NPAS2: variants seen among roughly 807,000 people sequenced by gnomAD.
NPAS2 encodes neuronal PAS domain protein 2.
In NPAS2, 23 loss-of-function variants were observed where a neutral mutation model predicts 107.5. The observed-to-expected ratio is 0.21, with a 90% CI of 0.15 to 0.30. The LOEUF is 0.30. Ranked by LOEUF, NPAS2 falls within the 10% of genes least tolerant of loss-of-function variation. The pLI is 1.00. For synonymous variants in NPAS2, 403 were observed against 417.5 expected (o/e 0.97, Z 0.42); for missense variants, 756 against 1,043.3 (o/e 0.72, Z 3.79).
chr2:100,948,339 C>T lies in NPAS2; in HGVS notation c.468C>T (p.Ser156=). 6.2e-7 allele frequency: 1 copy of T among 1,601,228 alleles called. No individual in the cohort carries two copies. The highest frequency in any genetic ancestry group is 8.5e-7 in the Non-Finnish European group (1 of 1,174,544). ...ATATGCTTGTGACGGATTCCCCCTC[C>T]CCAGAATACTTAAAATGTAAGTTTA... ...SSHMLVTDSP[S]PEYLKSDSDL... is the part of the protein sequence containing the mutation. Residue 156 remains serine, a synonymous_variant, in exon 6 of 21, where the codon TCC becomes TCT. Coordinates refer to ENST00000335681, the MANE Select transcript of NPAS2 (RefSeq NM_002518.4).
At chr2:100,870,459 G>A (rs1370514559) in intron 1 of NPAS2, among the ~76,000 whole-genome samples, 1 of 151,786 alleles carries the variant, frequency 6.6e-6, no homozygotes. Flanking sequence ...GCAGTGGCAC[G>A]ATCTTGGCTC....
At chr2:100,960,978 G>A (rs1226356560) in intron 7 of NPAS2, among the ~76,000 whole-genome samples, 1 of 152,178 alleles carries the variant, frequency 6.6e-6, no homozygotes, top group Non-Finnish European at 1.5e-5. Context: ...GGTCAATTTT[G>A]AGTAAGATGA....
chr2:100,895,904 G>A (rs1681384549), intron 1 of NPAS2, among the ~76,000 whole-genome samples: 1 of 152,192 alleles, frequency 6.6e-6, no homozygotes, highest in Non-Finnish European at 1.5e-5. Context: ...TGTGACCCCA[G>A]AGTCCATTTC....
chr2:100,882,435 C>T (rs868613241), intron 1 of NPAS2, among the ~76,000 whole-genome samples: 6 of 152,166 alleles, frequency 3.9e-5, no homozygotes, highest in African/African-American at 7.2e-5. Flanking sequence ...CAGTGAAACC[C>T]CATCTCTACT....
chr2:100,944,321 C>G (rs1473696082), intron 5 of NPAS2, among the ~76,000 whole-genome samples: 1 of 152,178 alleles, frequency 6.6e-6, no homozygotes, highest in East Asian at 1.9e-4. Flanking sequence ...GTCCATCCAG[C>G]CTACTTCCAG....
At chr2:100,921,995 G>T (rs1008346808) in intron 2 of NPAS2, among the ~76,000 whole-genome samples, 1 of 152,186 alleles carries the variant, frequency 6.6e-6, no homozygotes, top group Non-Finnish European at 1.5e-5. Context: ...GTTAATATGT[G>T]CAGCAACATG....
rs1210449039 is a variant in NPAS2, at chr2:100,965,109, C to T, written c.800+166C>T. On this transcript the variant is annotated intron_variant, in intron 9 of 20. Coordinates refer to ENST00000335681, the MANE Select transcript of NPAS2 (RefSeq NM_002518.4). This position sits in a 1 kb window ranked among gnomAD's most constrained non-coding sequence, Gnocchi z 4.3. Reference sequence around the variant, plus strand: ...CCAAGGGTGGGTGGTTTCCCTCCAACTTCATCTGCCCCATCGTGAATATGT... The same window carrying T: ...CCAAGGGTGGGTGGTTTCCCTCCAATTTCATCTGCCCCATCGTGAATATGT... Among the ~76,000 whole-genome samples the T allele has an allele frequency of 6.6e-6, 1 of 152,228 alleles. No homozygotes were observed. Among genetic ancestry groups the T allele is most frequent in the Non-Finnish European group, 1.5e-5 (1 of 68,038 alleles).
chr2:100,953,393 A>G (rs1455069515), intron 7 of NPAS2, among the ~76,000 whole-genome samples: 1 of 151,582 alleles, frequency 6.6e-6, no homozygotes, highest in Non-Finnish European at 1.5e-5. Context: ...AAAAAAAACA[A>G]AAAAAACACC....
chr2:100,893,958 C>T, intron 1 of NPAS2, among the ~76,000 whole-genome samples: 1 of 152,214 alleles, frequency 6.6e-6, no homozygotes, highest in South Asian at 2.1e-4. Context: ...ATGAGGCCCT[C>T]TCTGGAGACC....
chr2:100,936,969 GA>G lies in NPAS2; in HGVS notation c.274-783del, dbSNP rs1393967971. On this transcript the variant is annotated intron_variant, in intron 4 of 20. Coordinates refer to ENST00000335681, the MANE Select transcript of NPAS2 (RefSeq NM_002518.4). ...TGCACTCCAGCCTGGGTGACAGTGA[GA>G]CTCCATCTCAAAAAAAAAAAAAAAA... 4.4e-5 allele frequency among the ~76,000 whole-genome samples: 5 copies of G among 114,590 alleles called. No homozygotes were observed. In the Admixed American group the frequency reaches 6.1e-4, roughly 14 times the overall value. The allele number at this position is 114,590 out of a possible 152,430, so 75.2% of individuals were successfully genotyped here. A position where few individuals can be genotyped will look rare whatever the true frequency, so the allele number is the denominator to read the frequency against.
intron 15 of NPAS2, among the ~76,000 whole-genome samples, chr2:100,981,738 TGGAGAGAGCCA>T (rs1402310385): frequency 6.6e-6 from 1 of 152,064 alleles, no homozygotes; most frequent in Non-Finnish European, 1.5e-5. Context: ...CAGGCTGTTT[TGGAGAGAGCCA>T]GGATCAGATT....
intron 4 of NPAS2, among the ~76,000 whole-genome samples, chr2:100,933,818 G>T (rs554287716): frequency 6.6e-6 from 1 of 152,344 alleles, no homozygotes; most frequent in East Asian, 1.9e-4. Flanking sequence ...CCGCAACCAA[G>T]AGGAGGCAAA....
chr2:100,887,197 C>A (rs1446674060), intron 1 of NPAS2, among the ~76,000 whole-genome samples: 1 of 152,176 alleles, frequency 6.6e-6, no homozygotes. Flanking sequence ...AACCCCAATC[C>A]AGACACTAGC....
intron 12 of NPAS2, 83 bp downstream of exon 12, chr2:100,971,157 C>T: frequency 1.5e-6 from 2 of 1,337,842 alleles, no homozygotes; most frequent in Non-Finnish European, 2.1e-6. Context: ...ACAAGGGTTT[C>T]TTTTCATCAA....
intron 1 of NPAS2, among the ~76,000 whole-genome samples, chr2:100,872,531 G>A (rs1342956186): frequency 1.3e-5 from 2 of 152,116 alleles, no homozygotes; most frequent in African/African-American, 2.4e-5. Flanking sequence ...AAGCACCAAA[G>A]CAGGAGACAC....
intron 1 of NPAS2, among the ~76,000 whole-genome samples, chr2:100,891,641 T>C (rs1229197957): frequency 7.2e-5 from 11 of 152,264 alleles, no homozygotes; most frequent in African/African-American, 2.4e-4. Flanking sequence ...AACCTAGATC[T>C]GGCTAGTTTC....
At chr2:100,980,154 C>T (rs963053328) in intron 15 of NPAS2, among the ~76,000 whole-genome samples, 3 of 152,060 alleles carry the variant, frequency 2.0e-5, no homozygotes, top group African/African-American at 7.2e-5. Flanking sequence ...GTCTGGGAGG[C>T]CTTGAAAAAA....
intron 1 of NPAS2, among the ~76,000 whole-genome samples, chr2:100,864,772 A>G (rs919240509): frequency 2.6e-5 from 4 of 152,238 alleles, no homozygotes; most frequent in Admixed American, 2.6e-4. Flanking sequence ...CTTCTTTTAC[A>G]TTCTTCAGAA....
intron 1 of NPAS2, among the ~76,000 whole-genome samples, chr2:100,881,358 T>G (rs531137244): frequency 1.2e-4 from 18 of 152,298 alleles, no homozygotes; most frequent in African/African-American, 4.3e-4. Flanking sequence ...TTTAGCAAGA[T>G]CCCAGGGGAC....
Sources: gnomAD v4.1 joint callset for allele counts (sites outside exome capture counted in the v4.1 genomes callset) on GRCh38, gnomAD v4.1.1 for gene constraint, Gnocchi (gnomAD v3.1) non-coding constraint, MANE v1.5 for transcripts, NCBI Gene and HGNC (gene_info 2026-07-23, HGNC 2026-07-21) for gene names.